EIF3G: variants seen among roughly 807,000 people sequenced by gnomAD.
EIF3G encodes eukaryotic translation initiation factor 3 RNA-binding subunit.
In EIF3G, 10 loss-of-function variants were observed where a neutral mutation model predicts 41.7. The observed-to-expected ratio is 0.24, with a 90% CI of 0.15 to 0.41. The LOEUF is 0.41. Ranked by LOEUF, EIF3G falls within the 10% of genes least tolerant of loss-of-function variation. The pLI, the probability that EIF3G is intolerant of heterozygous loss-of-function variation, is 1.00. For missense variants in EIF3G, 297 were observed against 444.0 expected (o/e 0.67, Z 2.98); for synonymous variants, 204 against 172.5 (o/e 1.18, Z -1.43).
intron 3 of EIF3G, 31 bp from the exon 4 acceptor site, chr19:10,118,987 G>C: frequency 6.2e-7 from 1 of 1,614,026 alleles, no homozygotes; most frequent in South Asian, 1.1e-5. Context: ...GAGAAAGACT[G>C]AGCCCTGGGT....
In EIF3G at chr19:10,116,237, G is replaced by T; in HGVS notation, c.596-163C>A. 1 of 666,566 alleles carries T rather than the reference G, an allele frequency of 1.5e-6. No homozygotes were observed. The highest frequency in any genetic ancestry group is 2.5e-6 in the Non-Finnish European group (1 of 393,142). The allele number at this position is 666,566 out of a possible 1,614,324, so 41.3% of individuals were successfully genotyped here. A position where few individuals can be genotyped will look rare whatever the true frequency, so the allele number is the denominator to read the frequency against. Reference sequence around the variant, plus strand: ...AGGACACCAAGGTGACACCTGAGAAGCTGACACCATTTGAGCTCCCAGCCA... The same window carrying T: ...AGGACACCAAGGTGACACCTGAGAATCTGACACCATTTGAGCTCCCAGCCA... On this transcript the variant is annotated intron_variant, in intron 7 of 10. Coordinates refer to ENST00000253108, the MANE Select transcript of EIF3G (RefSeq NM_003755.5). The surrounding 1 kb of genome is among the most constrained non-coding windows in gnomAD (Gnocchi z 4.1).
intron 6 of EIF3G, 33 bp from the exon 7 acceptor site, chr19:10,117,022 C>T (rs368540466): frequency 8.7e-6 from 14 of 1,602,112 alleles, no homozygotes; most frequent in South Asian, 4.5e-5. Flanking sequence ...AGCTCAGAGG[C>T]GGCTAAGGCA....
chr19:10,116,761 A>G lies in EIF3G; in HGVS notation c.595+39T>C. The G allele has an allele frequency of 2.6e-6, 4 of 1,528,846 alleles. No homozygotes were observed. The highest frequency in any genetic ancestry group is 3.5e-6 in the Non-Finnish European group (4 of 1,136,552). The allele number at this position is 1,528,846 out of a possible 1,614,324, so 94.7% of individuals were successfully genotyped here. ...AGCACGAAGGCAGCAGTGGGGACAGAACCCGTGCACTGACAGCAGGACCCT... is the reference window on the plus strand; with the variant it reads ...AGCACGAAGGCAGCAGTGGGGACAGGACCCGTGCACTGACAGCAGGACCCT... On this transcript the variant is annotated intron_variant, in intron 7 of 10. Transcript: ENST00000253108. This position sits in a 1 kb window ranked among gnomAD's most constrained non-coding sequence, Gnocchi z 4.1.
rs950641206 is a variant in EIF3G, at chr19:10,116,518, GCA to G, written c.595+280_595+281del. The G allele has an allele frequency of 2.0e-5, 10 of 511,560 alleles. No homozygotes were observed. The Admixed American group carries it at 2.4e-4, about 12-fold the overall frequency. 31.7% of individuals were successfully genotyped at this position (511,560 alleles called of 1,614,324 possible). A position where few individuals can be genotyped will look rare whatever the true frequency, so the allele number is the denominator to read the frequency against. ...AACGGAGACACTATACACACAGTGC[GCA>G]CACACGATGTGGGGTGGTCAGCACC... On this transcript the variant is annotated intron_variant, in intron 7 of 10. Transcript: ENST00000253108. This position sits in a 1 kb window ranked among gnomAD's most constrained non-coding sequence, Gnocchi z 4.1.
Position 10,119,887 on chromosome 19 carries a change from A to C in EIF3G, c.-28T>G. ...CAAAAAGTATTCTCCACGCAGCCCA[A>C]GCCCGGCCAGAGAGCGGAAGCGGGC... On this transcript the variant is annotated 5_prime_UTR_variant, in exon 1 of 11. Coordinates refer to ENST00000253108, the MANE Select transcript of EIF3G (RefSeq NM_003755.5). 1 of 1,614,092 alleles carries C rather than the reference A, an allele frequency of 6.2e-7. No individual in the cohort carries two copies. Among genetic ancestry groups the C allele is most frequent in the Non-Finnish European group, 8.5e-7 (1 of 1,180,026 alleles).
intron 3 of EIF3G, 51 bp from the exon 4 acceptor site, chr19:10,119,007 C>G: frequency 1.2e-6 from 2 of 1,613,402 alleles, no homozygotes; most frequent in Non-Finnish European, 1.7e-6. Flanking sequence ...TCATGGGGAT[C>G]AGGAGCGGCA....
In EIF3G at chr19:10,115,231, A is replaced by G; in HGVS notation, c.948-102T>C. 4 of 1,461,074 alleles carry G rather than the reference A, an allele frequency of 2.7e-6. No individual in the cohort carries two copies. The South Asian group carries it at 3.8e-5, about 14-fold the overall frequency. 90.5% of individuals were successfully genotyped at this position (1,461,074 alleles called of 1,614,324 possible). A position where few individuals can be genotyped will look rare whatever the true frequency, so the allele number is the denominator to read the frequency against. On this transcript the variant is annotated intron_variant, in intron 10 of 10. Coordinates refer to ENST00000253108, the MANE Select transcript of EIF3G (RefSeq NM_003755.5). Reference sequence around the variant, plus strand: ...GGGTGGGTGGGCAGAGGACGGGGTAATGTGAGGACGAAGCGGGCACGGAGC... The same window carrying G: ...GGGTGGGTGGGCAGAGGACGGGGTAGTGTGAGGACGAAGCGGGCACGGAGC...
chr19:10,116,003 T>C lies in EIF3G; in HGVS notation c.667A>G (p.Ser223Gly), dbSNP rs770074103. ...YVPPSLRDGA[S>G]RRGESMQPNR... Reference sequence around the variant, plus strand: ...GGCTGCATGGACTCCCCGCGGCGGCTGGCCCCGTCGCGCAGGCTCGGCGGC... The same window carrying C: ...GGCTGCATGGACTCCCCGCGGCGGCCGGCCCCGTCGCGCAGGCTCGGCGGC... The change falls in exon 8 of 11, where the codon AGC (serine) becomes GGC (glycine). Residue 223 changes from serine to glycine, a missense_variant. This residue lies in a region of EIF3G where 91 missense variants were observed against 170.5 expected (regional missense o/e 0.53). Transcript: ENST00000253108. This position sits in a 1 kb window ranked among gnomAD's most constrained non-coding sequence, Gnocchi z 4.1. 1.1e-5 allele frequency: 17 copies of C among 1,613,536 alleles called. No homozygotes were observed. Among genetic ancestry groups the C allele is most frequent in the African/African-American group, 2.7e-5 (2 of 74,942 alleles).
intron 6 of EIF3G, 38 bp downstream of exon 6, chr19:10,117,046 A>C (rs1211884131): frequency 1.2e-6 from 2 of 1,604,346 alleles, no homozygotes; most frequent in East Asian, 2.2e-5. Flanking sequence ...CCTTTGCCCC[A>C]CCCCAGGATG....
rs772032611 is a variant in EIF3G at position 10,118,854 on chromosome 19, C to A, written c.240+14G>T. The A allele has an allele frequency of 5.6e-6, 9 of 1,611,886 alleles. No homozygotes were observed. The Admixed American group carries it at 6.7e-5, about 12-fold the overall frequency. On this transcript the variant is annotated intron_variant, in intron 4 of 10. Coordinates refer to ENST00000253108, the MANE Select transcript of EIF3G (RefSeq NM_003755.5). ...AGCACAAGGGTCCCCACTCCCTGCACCCCCCACCCTCACCTTGAACTTCTT... is the reference window on the plus strand; with the variant it reads ...AGCACAAGGGTCCCCACTCCCTGCAACCCCCACCCTCACCTTGAACTTCTT...
At chr19:10,118,137 C>T (rs986574597) in intron 5 of EIF3G, 1 of 152,704 alleles carries the variant, frequency 6.5e-6, no homozygotes, top group African/African-American at 2.4e-5. Flanking sequence ...TGATATCTAT[C>T]ATCGAACTTT....
At chr19:10,119,036 G>A in intron 3 of EIF3G, 52 bp downstream of exon 3, 3 of 1,609,296 alleles carry the variant, frequency 1.9e-6, no homozygotes, top group Non-Finnish European at 2.5e-6. Flanking sequence ...GGGAGAGGCA[G>A]CCCGGACACC....
In EIF3G at chr19:10,118,928, G is replaced by A. The variant is rs745378386; in HGVS notation, c.180C>T (p.Ile60=). 1 of 1,613,770 alleles carries A rather than the reference G, an allele frequency of 6.2e-7. No individual in the cohort carries two copies. Among genetic ancestry groups the A allele is most frequent in the East Asian group, 2.2e-5 (1 of 44,850 alleles). Residue 60 remains isoleucine, a synonymous_variant, in exon 4 of 11, where the codon ATC becomes ATT. Coordinates refer to ENST00000253108, the MANE Select transcript of EIF3G (RefSeq NM_003755.5). ...CTGTCACTGTCTTTATGTTTCCGTTGATGACCTCCTTGGGAGGCGGCAGTG... is the reference window on the plus strand; with the variant it reads ...CTGTCACTGTCTTTATGTTTCCGTTAATGACCTCCTTGGGAGGCGGCAGTG... ...GAPLPPPKEV[I]NGNIKTVTEY...
In EIF3G at chr19:10,116,548, G is replaced by A; in HGVS notation, c.595+252C>T. On this transcript the variant is annotated intron_variant, in intron 7 of 10. Coordinates refer to ENST00000253108, the MANE Select transcript of EIF3G (RefSeq NM_003755.5). The surrounding 1 kb of genome is among the most constrained non-coding windows in gnomAD (Gnocchi z 4.1). ...CACGATGTGGGGTGGTCAGCACCCT[G>A]GGGCCGACAGACAGCAGCTCATCAG... is the stretch of plus-strand genomic sequence containing the variant. 1 of 523,822 alleles carries A rather than the reference G, an allele frequency of 1.9e-6. No individual in the cohort carries two copies. Among genetic ancestry groups the A allele is most frequent in the Non-Finnish European group, 3.4e-6 (1 of 294,146 alleles). The allele number at this position is 523,822 out of a possible 1,614,324, so 32.4% of individuals were successfully genotyped here.
chr19:10,116,008 C>A lies in EIF3G; in HGVS notation c.662G>T (p.Gly221Val), dbSNP rs2089241595. 9.9e-6 allele frequency: 16 copies of A among 1,613,590 alleles called. No homozygotes were observed. The highest frequency in any genetic ancestry group is 1.4e-5 in the Non-Finnish European group (16 of 1,179,864). Residue 221 changes from glycine (G) to valine (V), a missense_variant, in exon 8 of 11, where the codon GGG (glycine) becomes GTG (valine). Coordinates refer to ENST00000253108, the MANE Select transcript of EIF3G (RefSeq NM_003755.5). The surrounding 1 kb of genome is among the most constrained non-coding windows in gnomAD (Gnocchi z 4.1). ...GKYVPPSLRD[G>V]ASRRGESMQP... Reference sequence around the variant, plus strand: ...CATGGACTCCCCGCGGCGGCTGGCCCCGTCGCGCAGGCTCGGCGGCACATA... The same window carrying A: ...CATGGACTCCCCGCGGCGGCTGGCCACGTCGCGCAGGCTCGGCGGCACATA...
chr19:10,119,198 A>C (rs1481227850), intron 2 of EIF3G, 27 bp from the exon 3 acceptor site: 10 of 1,556,930 alleles, frequency 6.4e-6, no homozygotes, highest in Admixed American at 3.9e-5. Flanking sequence ...AGGAAGGAGG[A>C]GTCAGCTCCA....
chr19:10,117,120 A>G lies in EIF3G; in HGVS notation c.369T>C (p.Ser123=). 1.2e-6 allele frequency: 2 copies of G among 1,613,478 alleles called. No individual in the cohort carries two copies. Among genetic ancestry groups the G allele is most frequent in the Non-Finnish European group, 1.7e-6 (2 of 1,179,800 alleles). ...TGATGAACGTCATAGAGACATCGTC[A>G]CTGACAGTGGTGGTGGCCACATTGG... ...PGPNVATTTV[S]DDVSMTFITS... The change falls in exon 6 of 11, where the codon AGT becomes AGC. Residue 123 remains serine (S), a synonymous_variant. Coordinates refer to ENST00000253108, the MANE Select transcript of EIF3G (RefSeq NM_003755.5).
rs762560827 is a variant in EIF3G, at chr19:10,119,856, G to C, written c.4C>G (p.Pro2Ala). 1 of 1,614,166 alleles carries C rather than the reference G, an allele frequency of 6.2e-7. No individual in the cohort carries two copies. The change falls in exon 1 of 11, where the codon CCT (proline) becomes GCT (alanine). Residue 2 changes from proline to alanine, a missense_variant. By Grantham distance (27) the Pro-to-Ala change is conservative (BLOSUM62 -1). Transcript: ENST00000253108. M[P>A]TGDFDSKPSW... ...CCGACTCACTCAAAGTCTCCAGTAG[G>C]CATCGCAAAAAGTATTCTCCACGCA...
intron 5 of EIF3G, chr19:10,117,547 C>T (rs1599326842): frequency 1.2e-5 from 3 of 242,562 alleles, no homozygotes; most frequent in South Asian, 1.5e-4. Flanking sequence ...AGCTTCCTCC[C>T]TTATAAAACG....
Sources: gnomAD v4.1 joint callset for allele counts on GRCh38, gnomAD v4.1.1 for gene constraint, gnomAD v4.1.1 regional missense constraint, Gnocchi (gnomAD v3.1) non-coding constraint, MANE v1.5 for transcripts, NCBI Gene and HGNC (gene_info 2026-07-23, HGNC 2026-07-21) for gene names.